Variants in LUZP2 observed in about 807,000 individuals in gnomAD.
LUZP2 encodes the protein leucine zipper protein 2.
In LUZP2, 52 loss-of-function variants were observed where a neutral mutation model predicts 51.6. The ratio of observed to expected loss-of-function variants is 1.01; its 90% CI spans 0.81 to 1.27. LUZP2 has a LOEUF of 1.27. LUZP2 is among the 50% of genes most tolerant of loss of function. The pLI, the probability that LUZP2 is intolerant of heterozygous loss-of-function variation, is 0.00. For missense variants in LUZP2, 436 were observed against 395.4 expected, an observed-to-expected ratio of 1.10 and a Z score of -0.87; for synonymous variants, 154 against 137.3, an observed-to-expected ratio of 1.12 and a Z score of -0.85.
intron 10 of LUZP2, among the ~76,000 whole-genome samples, chr11:25,056,711 GTAT>G (rs1324352997): frequency 6.6e-6 from 1 of 152,104 alleles, no homozygotes; most frequent in East Asian, 1.9e-4. Flanking sequence ...CCATTCCCAT[GTAT>G]TATTAATCCG....
chr11:24,986,093 T>C (rs1301716951), intron 9 of LUZP2, among the ~76,000 whole-genome samples: 1 of 151,712 alleles, frequency 6.6e-6, no homozygotes, highest in Non-Finnish European at 1.5e-5. Flanking sequence ...ATGTCTATTT[T>C]GCTATTGCAA....
intron 5 of LUZP2, among the ~76,000 whole-genome samples, chr11:24,776,994 G>GTTTTA (rs1554989903): frequency 8.8e-5 from 12 of 136,798 alleles, no homozygotes; most frequent in African/African-American, 3.2e-4. Flanking sequence ...ACTGTAAGTA[G>GTTTTA]TTTTTTTTTT....
chr11:24,693,619 C>G (rs1320028273), intron 1 of LUZP2, among the ~76,000 whole-genome samples: 1 of 151,884 alleles, frequency 6.6e-6, no homozygotes, highest in Admixed American at 6.6e-5. Flanking sequence ...ATAAAAGAAA[C>G]TATGCACTTC....
At position 24,736,741 on chromosome 11, in the gene LUZP2, T is replaced by C. The variant is rs1230138039; in HGVS notation, c.252-1480T>C. 2.0e-5 allele frequency among the ~76,000 whole-genome samples: 3 copies of C among 152,028 alleles called. No homozygotes were observed. The East Asian group carries it at 5.8e-4, about 30-fold the overall frequency. On this transcript the variant is annotated intron_variant, in intron 3 of 11. Transcript: ENST00000336930. ...CTATGGAAAATATCAGAAATAATAA[T>C]GGAAGCCCAGATTTTATATGTCCAT...
At chr11:24,675,135 G>T (rs542263946) in intron 1 of LUZP2, among the ~76,000 whole-genome samples, 7 of 152,252 alleles carry the variant, frequency 4.6e-5, no homozygotes, top group African/African-American at 1.7e-4. Flanking sequence ...TTAGAGTGTG[G>T]TTCAGGTATG....
At chr11:25,055,635 T>C (rs1858666503) in intron 10 of LUZP2, among the ~76,000 whole-genome samples, 1 of 152,134 alleles carries the variant, frequency 6.6e-6, no homozygotes, top group Non-Finnish European at 1.5e-5. Flanking sequence ...AGGAGACACA[T>C]CTCTTATCTA....
At chr11:24,970,960 G>A (rs562091583) in intron 7 of LUZP2, among the ~76,000 whole-genome samples, 1 of 152,244 alleles carries the variant, frequency 6.6e-6, no homozygotes, top group East Asian at 1.9e-4. Context: ...GGAATAGTAG[G>A]CAGCCATATA....
At chr11:24,566,575 C>T (rs564050004) in intron 1 of LUZP2, among the ~76,000 whole-genome samples, 1 of 138,782 alleles carries the variant, frequency 7.2e-6, no homozygotes, top group East Asian at 2.2e-4. Flanking sequence ...TATATCTATA[C>T]ACATATATAT....
At chr11:24,936,221 AC>A (rs149006916) in intron 7 of LUZP2, among the ~76,000 whole-genome samples, 11 of 152,216 alleles carry the variant, frequency 7.2e-5, no homozygotes, top group Non-Finnish European at 1.5e-4. Context: ...CAAGGGCTGA[AC>A]CCCTAAGTGG....
intron 1 of LUZP2, among the ~76,000 whole-genome samples, chr11:24,650,321 C>A (rs1407922455): frequency 1.3e-5 from 2 of 151,854 alleles, no homozygotes; most frequent in Admixed American, 6.6e-5. Context: ...CAAAAACTAG[C>A]AAAATTCTAA....
intron 1 of LUZP2, among the ~76,000 whole-genome samples, chr11:24,716,703 C>T (rs1858057881): frequency 1.3e-5 from 2 of 152,254 alleles, no homozygotes; most frequent in Admixed American, 1.3e-4. Context: ...TCGAGACCAA[C>T]TGGCCAACAT....
At chr11:24,545,944 A>G (rs1851525758) in intron 1 of LUZP2, among the ~76,000 whole-genome samples, 1 of 151,464 alleles carries the variant, frequency 6.6e-6, no homozygotes, top group African/African-American at 2.4e-5. Flanking sequence ...TGTTTGTGTT[A>G]TTTCTGATTT....
intron 6 of LUZP2, among the ~76,000 whole-genome samples, chr11:24,913,652 CA>C: frequency 6.9e-6 from 1 of 145,798 alleles, no homozygotes; most frequent in Middle Eastern, 3.5e-3. Flanking sequence ...TTCATGTGAT[CA>C]TGCTAATCTA....
At chr11:24,567,169 A>G (rs944031981) in intron 1 of LUZP2, among the ~76,000 whole-genome samples, 2 of 151,362 alleles carry the variant, frequency 1.3e-5, no homozygotes, top group Non-Finnish European at 2.9e-5. Context: ...ACACATGGCA[A>G]TTTTGTCGTT....
At chr11:24,946,804 G>A (rs1854913323) in intron 7 of LUZP2, among the ~76,000 whole-genome samples, 1 of 151,672 alleles carries the variant, frequency 6.6e-6, no homozygotes, top group Admixed American at 6.6e-5. Context: ...ACAAATTATT[G>A]TCATTTTGTT....
chr11:24,662,740 C>A (rs1008907223), intron 1 of LUZP2, among the ~76,000 whole-genome samples: 31 of 151,984 alleles, frequency 2.0e-4, no homozygotes, highest in African/African-American at 7.5e-4. Flanking sequence ...TATACAAAAT[C>A]TTAAACATTT....
At chr11:24,560,642 G>A (rs929931815) in intron 1 of LUZP2, among the ~76,000 whole-genome samples, 3 of 152,014 alleles carry the variant, frequency 2.0e-5, no homozygotes, top group African/African-American at 7.2e-5. Context: ...TAAATCGTTT[G>A]GTATAGGGTT....
At chr11:24,591,711 T>C (rs899805677) in intron 1 of LUZP2, among the ~76,000 whole-genome samples, 1 of 152,144 alleles carries the variant, frequency 6.6e-6, no homozygotes, top group African/African-American at 2.4e-5. Context: ...TGTTTTGCCA[T>C]CTGAAAAATT....
chr11:24,568,852 G>A (rs1450525941), intron 1 of LUZP2, among the ~76,000 whole-genome samples: 4 of 152,030 alleles, frequency 2.6e-5, no homozygotes, highest in Non-Finnish European at 4.4e-5. Flanking sequence ...GTAAATAGCC[G>A]TTGCTTCTTT....
Sources: allele counts gnomAD v4.1 joint callset (sites outside exome capture counted in the v4.1 genomes callset), GRCh38; gene constraint gnomAD v4.1.1; transcripts MANE v1.5; gene names NCBI Gene and HGNC (gene_info 2026-07-23, HGNC 2026-07-21).